Variants in NHSL1 observed in about 807,000 individuals in gnomAD.
NHSL1 encodes NHS-like protein 1.
NHSL1 carries 48 observed loss-of-function variants against 95.0 expected under a neutral mutation model. The ratio of observed to expected loss-of-function variants is 0.51; its 90% CI spans 0.40 to 0.64. The LOEUF (loss-of-function observed/expected upper bound fraction) is 0.64, where lower values mean the gene tolerates loss of function less well. NHSL1 is among the 30% of genes least tolerant of loss of function. NHSL1 has a pLI of 0.00. For synonymous variants in NHSL1, 783 were observed against 833.9 expected (o/e 0.94, Z 1.05); for missense variants, 1,971 against 2,077.7 (o/e 0.95, Z 1.00).
At chr6:138,557,570 C>G (rs1390716037) in intron 1 of NHSL1, among the ~76,000 whole-genome samples, 1 of 152,190 alleles carries the variant, frequency 6.6e-6, no homozygotes, top group South Asian at 2.1e-4. Context: ...CCATTTCATG[C>G]CAAAGCAAAG....
At chr6:138,515,362 C>T in intron 1 of NHSL1, among the ~76,000 whole-genome samples, 1 of 152,196 alleles carries the variant, frequency 6.6e-6, no homozygotes, top group African/African-American at 2.4e-5. Context: ...TCATCTCATT[C>T]ATTAAGGACT....
chr6:138,579,660 C>T (rs1784023472), intron 1 of NHSL1, among the ~76,000 whole-genome samples: 1 of 152,220 alleles, frequency 6.6e-6, no homozygotes. Flanking sequence ...TACATTCTAC[C>T]TGATAATCCA....
rs1188932743 is a variant in NHSL1 at position 138,625,779 on chromosome 6, C to G, written c.96+66697G>C. Among the ~76,000 whole-genome samples the G allele has an allele frequency of 2.0e-5, 3 of 152,032 alleles. No individual in the cohort carries two copies. In the East Asian group the frequency reaches 5.8e-4, roughly 29 times the overall value. On this transcript the variant is annotated intron_variant, in intron 1 of 3. Transcript: ENST00000491526. ...ACCTCAGTCTTCCTAGCTGCTAAGA[C>G]TATAGGCACACACCACCATGCCCAG... is the stretch of plus-strand genomic sequence containing the variant.
At chr6:138,542,635 T>C (rs1304650695) in intron 1 of NHSL1, among the ~76,000 whole-genome samples, 1 of 152,252 alleles carries the variant, frequency 6.6e-6, no homozygotes, top group Non-Finnish European at 1.5e-5. Flanking sequence ...GCAAAGATAA[T>C]TAGTATTTAT....
In NHSL1 at chr6:138,646,500, GA is replaced by G. The variant is rs775670461; in HGVS notation, c.96+45975del. Among the ~76,000 whole-genome samples, 1,060 of 142,352 alleles carry G rather than the reference GA, an allele frequency of 7.4e-3. 3 individuals carry two copies. The highest frequency in any genetic ancestry group is 0.013 in the Admixed American group (180 of 14,298). 93.4% of individuals were successfully genotyped at this position (142,352 alleles called of 152,430 possible). On this transcript the variant is annotated intron_variant, in intron 1 of 3. Transcript: ENST00000491526. ...CGGCAGAGCAAGACACTGTCTCGAGGAAAAAAAAAAAAATTCTTATCAATAC... is the reference window on the plus strand; with the variant it reads ...CGGCAGAGCAAGACACTGTCTCGAGGAAAAAAAAAAAATTCTTATCAATAC...
rs78726199 is a variant in NHSL1, at chr6:138,442,070, A to G, written c.577T>C (p.Tyr193His). Residue 193 changes from tyrosine to histidine, a missense_variant, in exon 5 of 8, where the codon TAC becomes CAC. Tyr to His is a moderately conservative substitution (Grantham distance 83). Around this residue, in one of 3 missense-constraint regions of NHSL1, gnomAD observed 1,602 missense variants for 1,654.5 expected, o/e 0.97. Transcript: ENST00000343505. ...GGTCGTCTTACCAGAGTGTCTGTGT[A>G]AATTAGAGACCGCCGAAGGCTGGCC... ...RQASLRRSLI[Y>H]TDTLVRRPKK... The G allele has an allele frequency of 6.4e-7, 1 of 1,551,270 alleles. No individual in the cohort carries two copies. The highest frequency in any genetic ancestry group is 1.7e-4 in the Middle Eastern group (1 of 5,958).
intron 1 of NHSL1, among the ~76,000 whole-genome samples, chr6:138,582,590 A>C (rs1385342180): frequency 6.6e-6 from 1 of 152,172 alleles, no homozygotes; most frequent in African/African-American, 2.4e-5. Flanking sequence ...TTCTGAGCTG[A>C]GCATCCGCCC....
chr6:138,499,555 G>A, upstream of NHSL1: 1 of 496,410 alleles, frequency 2.0e-6, no homozygotes, highest in Non-Finnish European at 3.0e-6. Flanking sequence ...ATCGTGCGCT[G>A]AAAGAAAGAG....
chr6:138,499,390 T>G lies in NHSL1; in HGVS notation c.-100A>C. ...TCGTCCTTCTGCTACAGATTCTAAC[T>G]TTTTCTTCCCCCGGTCTCATATCCT... On this transcript the variant is annotated 5_prime_UTR_variant, in exon 1 of 8. Coordinates refer to ENST00000343505, the MANE Select transcript of NHSL1 (RefSeq NM_001144060.2). 1 of 1,504,458 alleles carries G rather than the reference T, an allele frequency of 6.6e-7. No homozygotes were observed. The highest frequency in any genetic ancestry group is 1.3e-5 in the South Asian group (1 of 79,622). 93.2% of individuals were successfully genotyped at this position (1,504,458 alleles called of 1,614,324 possible). A position where few individuals can be genotyped will look rare whatever the true frequency, so the allele number is the denominator to read the frequency against.
intron 1 of NHSL1, among the ~76,000 whole-genome samples, chr6:138,618,452 G>C (rs534620506): frequency 2.6e-5 from 4 of 152,256 alleles, no homozygotes; most frequent in African/African-American, 9.6e-5. Flanking sequence ...ATCTAAAAGG[G>C]GAAGCACTTT....
intron 1 of NHSL1, among the ~76,000 whole-genome samples, chr6:138,555,663 T>C (rs1242410143): frequency 6.6e-6 from 1 of 152,220 alleles, no homozygotes; most frequent in African/African-American, 2.4e-5. Context: ...CTTCCTCTTT[T>C]GTCTTTGCTA....
chr6:138,691,723 C>CG (rs1003557317), intron 1 of NHSL1: 2 of 342,636 alleles, frequency 5.8e-6, no homozygotes, highest in Non-Finnish European at 1.2e-5. Context: ...CTTCATTCAC[C>CG]GGAGCCAGTT....
chr6:138,529,576 C>T (rs1337580993), intron 1 of NHSL1, among the ~76,000 whole-genome samples: 1 of 152,202 alleles, frequency 6.6e-6, no homozygotes, highest in Non-Finnish European at 1.5e-5. Flanking sequence ...TCTCACAAGG[C>T]CTAAACTTAA....
chr6:138,560,213 G>T (rs1022332612), intron 1 of NHSL1, among the ~76,000 whole-genome samples: 1 of 152,188 alleles, frequency 6.6e-6, no homozygotes, highest in Non-Finnish European at 1.5e-5. Context: ...ACCTTCCCCT[G>T]GTTACAGTGA....
chr6:138,665,017 G>A (rs1330028831), intron 1 of NHSL1, among the ~76,000 whole-genome samples: 6 of 152,190 alleles, frequency 3.9e-5, no homozygotes, highest in Admixed American at 1.3e-4. Flanking sequence ...ACATCTGGGC[G>A]CTATAGCCTA....
rs1394486987 is a variant in NHSL1 at position 138,433,362 on chromosome 6, G to A, written c.983C>T (p.Ser328Phe). ...SDAGFHSLPR[S>F]GARANIQSLE... ...GGACTGAATGTTTGCCCTTGCTCCAGAACGCGGAAGACTATGGAAGCCAGC... is the reference window on the plus strand; with the variant it reads ...GGACTGAATGTTTGCCCTTGCTCCAAAACGCGGAAGACTATGGAAGCCAGC... Residue 328 changes from serine to phenylalanine, a missense_variant, in exon 6 of 8, where the codon TCT becomes TTT. By Grantham distance (155) the Ser-to-Phe change is radical (BLOSUM62 -2). This residue lies in a region of NHSL1 where 1,602 missense variants were observed against 1,654.5 expected (regional missense o/e 0.97). Transcript: ENST00000343505. 1 of 1,552,170 alleles carries A rather than the reference G, an allele frequency of 6.4e-7. No individual in the cohort carries two copies. Among genetic ancestry groups the A allele is most frequent in the Non-Finnish European group, 8.7e-7 (1 of 1,147,108 alleles).
intron 1 of NHSL1, among the ~76,000 whole-genome samples, chr6:138,505,095 C>A (rs1317521219): frequency 1.1e-5 from 1 of 93,464 alleles, no homozygotes; most frequent in East Asian, 2.0e-3. Context: ...TCTACAGCTT[C>A]TAGAACTCAG....
At chr6:138,499,888 C>T (rs1011827523), upstream of NHSL1, among the ~76,000 whole-genome samples, 3 of 152,172 alleles carry the variant, frequency 2.0e-5, no homozygotes, top group African/African-American at 4.8e-5. Context: ...GCTCTGCCTC[C>T]GATACCAAAG....
chr6:138,429,674 A>G, intron 7 of NHSL1, 37 bp downstream of exon 7: 1 of 1,521,522 alleles, frequency 6.6e-7, no homozygotes, highest in Non-Finnish European at 8.8e-7. Flanking sequence ...AAGGAATTAC[A>G]CAGTAGATTA....
Sources: allele counts gnomAD v4.1 joint callset (sites outside exome capture counted in the v4.1 genomes callset), GRCh38; gene constraint gnomAD v4.1.1; regional missense constraint gnomAD v4.1.1; transcripts MANE v1.5; gene names NCBI Gene and HGNC (gene_info 2026-07-23, HGNC 2026-07-21).